Variants in SPON1 observed in about 807,000 individuals in gnomAD.
The protein encoded by SPON1 is spondin 1.
In SPON1, 52 loss-of-function variants were observed where a neutral mutation model predicts 111.7. The observed-to-expected ratio is 0.47, with a 90% CI of 0.37 to 0.59. The LOEUF (loss-of-function observed/expected upper bound fraction) is 0.59, where lower values mean the gene tolerates loss of function less well. Among genes scored for constraint, SPON1 ranks in the 20% least tolerant of loss-of-function variants. The pLI is 0.00. For synonymous variants in SPON1, 410 were observed against 395.8 expected (o/e 1.04, Z -0.43); for missense variants, 957 against 1,068.5 (o/e 0.90, Z 1.46).
At chr11:14,146,604 G>A (rs1318483244) in intron 6 of SPON1, among the ~76,000 whole-genome samples, 1 of 152,096 alleles carries the variant, frequency 6.6e-6, no homozygotes, top group African/African-American at 2.4e-5. Context: ...AATTATACAG[G>A]CTGACGCTAT....
chr11:14,064,771 A>T (rs1288606957), intron 3 of SPON1, among the ~76,000 whole-genome samples: 1 of 152,074 alleles, frequency 6.6e-6, no homozygotes, highest in Non-Finnish European at 1.5e-5. Flanking sequence ...GGTAAATGGG[A>T]TGGGTTGGCA....
chr11:13,994,371 A>C (rs1335977602), intron 2 of SPON1, among the ~76,000 whole-genome samples: 86 of 152,198 alleles, frequency 5.7e-4, no homozygotes, highest in Non-Finnish European at 1.5e-5. Context: ...TAGAAGTATA[A>C]TCACAAATGC....
chr11:14,181,215 TA>T (rs1564925475), intron 6 of SPON1, among the ~76,000 whole-genome samples: 1 of 152,156 alleles, frequency 6.6e-6, no homozygotes, highest in Admixed American at 6.6e-5. Flanking sequence ...ACCACTAGCA[TA>T]TGGGGAGGAA....
At chr11:14,046,663 T>C (rs1030335389) in intron 3 of SPON1, among the ~76,000 whole-genome samples, 41 of 152,232 alleles carry the variant, frequency 2.7e-4, no homozygotes, top group Non-Finnish European at 1.0e-4. Context: ...TCATTGCTCA[T>C]TAGTCTTCTA....
At chr11:14,153,877 A>G (rs549035374) in intron 6 of SPON1, among the ~76,000 whole-genome samples, 3 of 152,212 alleles carry the variant, frequency 2.0e-5, no homozygotes, top group Non-Finnish European at 2.9e-5. Flanking sequence ...AAAGGGATAA[A>G]TTGGCAAAAA....
chr11:14,138,566 G>A (rs1847618692), intron 6 of SPON1, among the ~76,000 whole-genome samples: 2 of 152,114 alleles, frequency 1.3e-5, no homozygotes, highest in Admixed American at 1.3e-4. Context: ...CTGGGGACTG[G>A]GAATTAGAAA....
At chr11:14,012,108 T>C (rs1038036554) in intron 2 of SPON1, among the ~76,000 whole-genome samples, 20 of 152,166 alleles carry the variant, frequency 1.3e-4, no homozygotes, top group Non-Finnish European at 7.3e-5. Context: ...ATGAAGGCCA[T>C]GTAGGTCATA....
At position 14,246,603 on chromosome 11, in the gene SPON1, A is replaced by C. The variant is rs76975674; in HGVS notation, c.890+3207A>C. On this transcript the variant is annotated intron_variant, in intron 7 of 15. Coordinates refer to ENST00000576479, the MANE Select transcript of SPON1 (RefSeq NM_006108.4). ...CACCAAATGGTCTCACACCTACCCC[A>C]AAACAAACAAAATCTTACTTTCACT... is the stretch of plus-strand genomic sequence containing the variant. Among the ~76,000 whole-genome samples, 24 of 152,320 alleles carry C rather than the reference A, an allele frequency of 1.6e-4. No individual in the cohort carries two copies. The East Asian group carries it at 4.6e-3, about 29-fold the overall frequency.
intron 2 of SPON1, among the ~76,000 whole-genome samples, chr11:14,012,113 G>A (rs1419057911): frequency 6.6e-6 from 1 of 152,164 alleles, no homozygotes; most frequent in South Asian, 2.1e-4. Flanking sequence ...GGCCATGTAG[G>A]TCATAGGAGG....
Position 14,257,592 on chromosome 11 carries a change from C to T in SPON1, c.1310-124C>T, listed in dbSNP as rs1338075825. 3 of 829,416 alleles carry T rather than the reference C, an allele frequency of 3.6e-6. No homozygotes were observed. In the Admixed American group the frequency reaches 1.0e-4, roughly 28 times the overall value. The allele number at this position is 829,416 out of a possible 1,614,324, so 51.4% of individuals were successfully genotyped here. A position where few individuals can be genotyped will look rare whatever the true frequency, so the allele number is the denominator to read the frequency against. On this transcript the variant is annotated intron_variant, in intron 10 of 15. Transcript: ENST00000576479. ...ATGGCTGCTTCCATCCCAGGAGCAC[C>T]CAGGCTCACTGAAGTCAGTCTGGCA...
chr11:14,171,760 A>G (rs1848104130), intron 6 of SPON1, among the ~76,000 whole-genome samples: 1 of 152,142 alleles, frequency 6.6e-6, no homozygotes, highest in African/African-American at 2.4e-5. Flanking sequence ...CCCAGTAGTC[A>G]TTCAGGAGCA....
At chr11:14,038,018 T>C (rs1217148225) in intron 2 of SPON1, among the ~76,000 whole-genome samples, 2 of 139,594 alleles carry the variant, frequency 1.4e-5, no homozygotes, top group Non-Finnish European at 3.1e-5. Flanking sequence ...ATACAAAAAT[T>C]AGCTGGGTGT....
rs554315348 is a variant in SPON1 at position 14,000,070 on chromosome 11, A to G, written c.345+17117A>G. Among the ~76,000 whole-genome samples, 3 of 152,292 alleles carry G rather than the reference A, an allele frequency of 2.0e-5. No homozygotes were observed. In the South Asian group the frequency reaches 6.2e-4, roughly 32 times the overall value. ...ACAAATTAATTATTCAACATGGTTC[A>G]TCTCTCTAGCATTCCAAGGTTTTTC... On this transcript the variant is annotated intron_variant, in intron 2 of 15. Transcript: ENST00000576479.
intron 2 of SPON1, among the ~76,000 whole-genome samples, chr11:14,000,088 G>C (rs1377859124): frequency 6.6e-6 from 1 of 152,246 alleles, no homozygotes; most frequent in East Asian, 1.9e-4. Flanking sequence ...AGCATTCCAA[G>C]GTTTTTCTAT....
chr11:14,261,895 G>A (rs1012069148), intron 14 of SPON1, among the ~76,000 whole-genome samples: 11 of 152,150 alleles, frequency 7.2e-5, no homozygotes, highest in Non-Finnish European at 1.0e-4. Context: ...AAAGCTGCCT[G>A]AGCTTCCACA....
intron 6 of SPON1, among the ~76,000 whole-genome samples, chr11:14,175,642 C>T (rs1848166535): frequency 6.6e-6 from 1 of 152,100 alleles, no homozygotes; most frequent in African/African-American, 2.4e-5. Flanking sequence ...TACTGTTTTA[C>T]TCAAACAGAG....
intron 3 of SPON1, among the ~76,000 whole-genome samples, chr11:14,056,567 A>T (rs1257160292): frequency 2.0e-5 from 3 of 152,098 alleles, no homozygotes; most frequent in Non-Finnish European, 4.4e-5. Context: ...GTGTTAAATT[A>T]AAAAAAATCA....
In SPON1 at chr11:14,259,692, C is replaced by A; in HGVS notation, c.1822C>A (p.Pro608Thr). 6.4e-7 allele frequency: 1 copy of A among 1,572,770 alleles called. No individual in the cohort carries two copies. The highest frequency in any genetic ancestry group is 1.2e-5 in the South Asian group (1 of 85,118). Reference sequence around the variant, plus strand: ...ATCACAGGCAGAGAAGTGCATGATGCCAGAGTGCCGTGAGTGAGAGCGGGG... The same window carrying A: ...ATCACAGGCAGAGAAGTGCATGATGACAGAGTGCCGTGAGTGAGAGCGGGG... ...ETSQAEKCMM[P>T]ECHTIPCLLS... Residue 608 changes from proline to threonine, a missense_variant, in exon 13 of 16, where the codon CCA becomes ACA. This residue lies in a region of SPON1 where 549 missense variants were observed against 606.2 expected (regional missense o/e 0.91). Transcript: ENST00000576479. This position sits in a 1 kb window ranked among gnomAD's most constrained non-coding sequence, Gnocchi z 5.0.
chr11:14,207,006 C>CA (rs1848524461), intron 6 of SPON1, among the ~76,000 whole-genome samples: 1 of 151,906 alleles, frequency 6.6e-6, no homozygotes. Context: ...CTACAGAAAC[C>CA]AAAAAAACAT....
Sources: gnomAD v4.1 joint callset for allele counts (sites outside exome capture counted in the v4.1 genomes callset) on GRCh38, gnomAD v4.1.1 for gene constraint, gnomAD v4.1.1 regional missense constraint, Gnocchi (gnomAD v3.1) non-coding constraint, MANE v1.5 for transcripts, NCBI Gene and HGNC (gene_info 2026-07-23, HGNC 2026-07-21) for gene names.